DLG1: variants seen among roughly 807,000 people sequenced by gnomAD.
DLG1 encodes the protein disks large homolog 1.
DLG1 carries 42 observed loss-of-function variants against 123.4 expected under a neutral mutation model. The ratio of observed to expected loss-of-function variants is 0.34; its 90% CI spans 0.27 to 0.44. DLG1 has a LOEUF of 0.44. Ranked by LOEUF, DLG1 falls within the 20% of genes least tolerant of loss-of-function variation. The probability of loss-of-function intolerance (pLI) is 1.00; values close to 1 mark genes in which losing one functional copy is unlikely to be tolerated. For synonymous variants in DLG1, 317 were observed against 356.2 expected (o/e 0.89, Z 1.24); for missense variants, 942 against 1,082.6 (o/e 0.87, Z 1.82).
chr3:197,097,318 G>C (rs891938865), intron 14 of DLG1, among the ~76,000 whole-genome samples: 2 of 152,094 alleles, frequency 1.3e-5, no homozygotes, highest in Non-Finnish European at 2.9e-5. Context: ...TTTACCTACT[G>C]CATTTTCTTG....
At chr3:197,204,449 G>C (rs1380152552) in intron 4 of DLG1, among the ~76,000 whole-genome samples, 1 of 152,138 alleles carries the variant, frequency 6.6e-6, no homozygotes, top group Non-Finnish European at 1.5e-5. Context: ...TTTGTGATAG[G>C]AACTACAGAA....
chr3:197,262,402 ATC>A (rs1257107601), intron 4 of DLG1, among the ~76,000 whole-genome samples: 2 of 152,150 alleles, frequency 1.3e-5, no homozygotes, highest in African/African-American at 4.8e-5. Context: ...TGCCCTATGT[ATC>A]TCTTTTTCTG....
chr3:197,135,449 G>C (rs1484701958), intron 10 of DLG1, among the ~76,000 whole-genome samples: 3 of 152,146 alleles, frequency 2.0e-5, no homozygotes, highest in East Asian at 1.9e-4. Flanking sequence ...TGTGAAGAAG[G>C]GCGTGTTTGC....
At chr3:197,099,325 G>T (rs975357642) in intron 14 of DLG1, among the ~76,000 whole-genome samples, 1 of 152,142 alleles carries the variant, frequency 6.6e-6, no homozygotes, top group Non-Finnish European at 1.5e-5. Flanking sequence ...TCAGCCTCCC[G>T]AAGTGCTAAC....
intron 5 of DLG1, among the ~76,000 whole-genome samples, chr3:197,184,691 T>C (rs1714738863): frequency 6.6e-6 from 1 of 152,206 alleles, no homozygotes; most frequent in Non-Finnish European, 1.5e-5. Flanking sequence ...TAGTATTTTA[T>C]AAACATTCAT....
intron 5 of DLG1, among the ~76,000 whole-genome samples, chr3:197,160,771 A>G (rs940807600): frequency 2.6e-5 from 4 of 152,014 alleles, no homozygotes; most frequent in African/African-American, 9.7e-5. Flanking sequence ...TTTTTCCCCA[A>G]TGGAGCTTAT....
intron 23 of DLG1, 83 bp from the exon 24 acceptor site, chr3:197,051,751 A>C: frequency 3.8e-6 from 4 of 1,044,240 alleles, no homozygotes; most frequent in Non-Finnish European, 5.6e-6. Context: ...ATGACACATA[A>C]AATAGAAAAT....
intron 4 of DLG1, among the ~76,000 whole-genome samples, chr3:197,254,948 C>G (rs538600728): frequency 1.3e-5 from 2 of 151,912 alleles, no homozygotes; most frequent in Admixed American, 6.6e-5. Context: ...CCTAGCTACT[C>G]AGGAGGATGA....
intron 3 of DLG1, among the ~76,000 whole-genome samples, chr3:197,288,380 A>AAG (rs1772917433): frequency 6.8e-6 from 1 of 146,428 alleles, no homozygotes; most frequent in Non-Finnish European, 1.5e-5. Flanking sequence ...AAAAAAAAAA[A>AAG]AAGAAAAGAA....
At chr3:197,111,893 T>C (rs1770249535) in intron 13 of DLG1, among the ~76,000 whole-genome samples, 1 of 152,242 alleles carries the variant, frequency 6.6e-6, no homozygotes, top group East Asian at 1.9e-4. Context: ...AATTTAGCAA[T>C]TGTCCTGCTG....
rs755522594 is a variant in DLG1 at position 197,085,611 on chromosome 3, C to A, written c.1807G>T (p.Asp603Tyr). 28 of 1,613,832 alleles carry A rather than the reference C, an allele frequency of 1.7e-5. No individual in the cohort carries two copies. Among genetic ancestry groups the A allele is most frequent in the Non-Finnish European group, 2.2e-5 (26 of 1,179,982 alleles). Residue 603 changes from aspartate to tyrosine, a missense_variant, in exon 16 of 25, where the codon GAT (aspartate) becomes TAT (tyrosine). By Grantham distance (160) the Asp-to-Tyr change is radical (BLOSUM62 -3). Coordinates refer to ENST00000667157, the MANE Select transcript of DLG1 (RefSeq NM_001366207.1). Reference sequence around the variant, plus strand: ...TTACTGGGAATCACTCCGACCTCATCGCTCTCACCATCTGGTGTAACCTGC... The same window carrying A: ...TTACTGGGAATCACTCCGACCTCATAGCTCTCACCATCTGGTGTAACCTGC... ...ARQVTPDGES[D>Y]EVGVIPSKRR... is the part of the protein sequence containing the mutation.
At chr3:197,237,179 G>A (rs191054925) in intron 4 of DLG1, among the ~76,000 whole-genome samples, 5 of 152,246 alleles carry the variant, frequency 3.3e-5, no homozygotes, top group Admixed American at 3.3e-4. Flanking sequence ...TATGCCACAT[G>A]CTACATACAA....
At chr3:197,061,031 T>C (rs2034912) in intron 22 of DLG1, among the ~76,000 whole-genome samples, 64,356 of 151,988 alleles carry the variant, frequency 0.42, 14,250 homozygotes, top group East Asian at 0.74. Context: ...CTCAAATTCC[T>C]GACCTCAAGT....
intron 10 of DLG1, among the ~76,000 whole-genome samples, chr3:197,131,453 T>C (rs1208323189): frequency 6.6e-6 from 1 of 152,152 alleles, no homozygotes; most frequent in African/African-American, 2.4e-5. Context: ...TATAGAAATA[T>C]AACTGATTTT....
intron 4 of DLG1, among the ~76,000 whole-genome samples, chr3:197,213,281 T>A (rs1217532710): frequency 6.6e-6 from 1 of 151,426 alleles, no homozygotes; most frequent in Non-Finnish European, 1.5e-5. Context: ...TCAAAAGCAT[T>A]ATTAGGAGCT....
At chr3:197,108,645 A>G (rs887264125) in intron 13 of DLG1, among the ~76,000 whole-genome samples, 2 of 152,126 alleles carry the variant, frequency 1.3e-5, no homozygotes, top group Non-Finnish European at 2.9e-5. Flanking sequence ...TTTTTCTTCA[A>G]GCGTCCTTTG....
chr3:197,158,634 C>CAAAAAAAAAAAAAAAAAAA lies in DLG1; in HGVS notation c.484-8857_484-8839dup, dbSNP rs71623339. Among the ~76,000 whole-genome samples, 21 of 67,490 alleles carry CAAAAAAAAAAAAAAAAAAA rather than the reference C, an allele frequency of 3.1e-4. 1 individual carries two copies. The highest frequency in any genetic ancestry group is 7.7e-4 in the African/African-American group (14 of 18,132). The allele number at this position is 67,490 out of a possible 152,430, so 44.3% of individuals were successfully genotyped here. A position where few individuals can be genotyped will look rare whatever the true frequency, so the allele number is the denominator to read the frequency against. On this transcript the variant is annotated intron_variant, in intron 5 of 24. Coordinates refer to ENST00000667157, the MANE Select transcript of DLG1 (RefSeq NM_001366207.1). ...GGGTAACAAGAGCAAAACTCCATTT[C>CAAAAAAAAAAAAAAAAAAA]AAAAAAAAAAAAAAAAAAAAAAAGC...
At chr3:197,086,792 A>T (rs1754643732) in intron 15 of DLG1, among the ~76,000 whole-genome samples, 1 of 152,196 alleles carries the variant, frequency 6.6e-6, no homozygotes, top group Non-Finnish European at 1.5e-5. Flanking sequence ...AAATAAGCAT[A>T]ATATAAAATA....
Position 197,211,240 on chromosome 3 carries a change from G to A in DLG1, c.319-16651C>T, listed in dbSNP as rs995585111. ...AAGAAGAGCTGGTACCATTTCTACC[G>A]AAACTATTCCAAAAAAATTAAAGAG... On this transcript the variant is annotated intron_variant, in intron 4 of 24. Coordinates refer to ENST00000667157, the MANE Select transcript of DLG1 (RefSeq NM_001366207.1). 1.1e-4 allele frequency among the ~76,000 whole-genome samples: 16 copies of A among 145,852 alleles called. 3 individuals carry two copies. Among genetic ancestry groups the A allele is most frequent in the South Asian group, 5.2e-4 (2 of 3,820 alleles).
Sources: gnomAD v4.1 joint callset for allele counts (sites outside exome capture counted in the v4.1 genomes callset) on GRCh38, gnomAD v4.1.1 for gene constraint, MANE v1.5 for transcripts, NCBI Gene and HGNC (gene_info 2026-07-23, HGNC 2026-07-21) for gene names.